Variants in SRPK2 observed in about 807,000 individuals in gnomAD.
SRPK2 encodes the protein SRSF protein kinase 2, also known as SFRS protein kinase 2.
In SRPK2, 21 loss-of-function variants were observed where a neutral mutation model predicts 90.8. The ratio of observed to expected loss-of-function variants is 0.23; its 90% CI spans 0.16 to 0.33. The LOEUF is 0.33. Among genes scored for constraint, SRPK2 ranks in the 10% least tolerant of loss-of-function variants. SRPK2 has a pLI of 1.00. For synonymous variants in SRPK2, 288 were observed against 311.1 expected (o/e 0.93, Z 0.78); for missense variants, 620 against 869.0 (o/e 0.71, Z 3.60).
intron 1 of SRPK2, among the ~76,000 whole-genome samples, chr7:105,396,794 GAGAAAGAGAAAGAA>G (rs1391474247): frequency 9.0e-6 from 1 of 111,188 alleles, no homozygotes; most frequent in African/African-American, 3.0e-5. Context: ...AAGAAAGAAA[GAGAAAGAGAAAGAA>G]AGAAAGAGAG....
At chr7:105,135,889 C>G (rs1422486699) in intron 11 of SRPK2, among the ~76,000 whole-genome samples, 1 of 151,916 alleles carries the variant, frequency 6.6e-6, no homozygotes. Flanking sequence ...CTCAGCCTCC[C>G]GAGTAGCTGG....
intron 2 of SRPK2, among the ~76,000 whole-genome samples, chr7:105,246,887 A>G (rs1801740467): frequency 6.6e-6 from 1 of 152,332 alleles, no homozygotes; most frequent in East Asian, 1.9e-4. Flanking sequence ...ACATTTCCCA[A>G]TAAAGGAAGC....
chr7:105,165,927 C>G (rs1208195602), intron 6 of SRPK2, among the ~76,000 whole-genome samples: 1 of 152,104 alleles, frequency 6.6e-6, no homozygotes, highest in Admixed American at 6.5e-5. Flanking sequence ...AGCGAGACCA[C>G]GAACCCACCG....
chr7:105,364,722 G>A (rs544550110), intron 2 of SRPK2, among the ~76,000 whole-genome samples: 1 of 151,984 alleles, frequency 6.6e-6, no homozygotes, highest in Non-Finnish European at 1.5e-5. Context: ...GGTCCTTAAG[G>A]CTCCCTGATG....
chr7:105,143,405 G>T, intron 9 of SRPK2, 75 bp from the exon 10 acceptor site: 1 of 1,520,114 alleles, frequency 6.6e-7, no homozygotes, highest in South Asian at 1.2e-5. Context: ...TAGCAGCATG[G>T]CAAATAGCAA....
chr7:105,386,575 G>C (rs930355882), intron 2 of SRPK2, among the ~76,000 whole-genome samples: 3 of 151,766 alleles, frequency 2.0e-5, no homozygotes, highest in African/African-American at 7.3e-5. Context: ...AAAATAGCTA[G>C]GCTTGGTGGC....
At chr7:105,137,707 A>G (rs1356155137) in intron 11 of SRPK2, among the ~76,000 whole-genome samples, 1 of 152,164 alleles carries the variant, frequency 6.6e-6, no homozygotes, top group African/African-American at 2.4e-5. Context: ...AAATTACTCT[A>G]GGAAAAAAGT....
rs180982566 is a variant in SRPK2, at chr7:105,303,464, A to T, written c.71+85184T>A. Among the ~76,000 whole-genome samples, 1,040 of 145,764 alleles carry T rather than the reference A, an allele frequency of 7.1e-3. 8 individuals carry two copies. The highest frequency in any genetic ancestry group is 0.04 in the South Asian group (187 of 4,712). On this transcript the variant is annotated intron_variant, in intron 2 of 15. Transcript: ENST00000393651. ...GTACCCTAGAACTTAAAGTATAATT[A>T]AAAAAAAAATGACCTGAGTAAAAAG...
chr7:105,325,809 G>A (rs942800311), intron 2 of SRPK2, among the ~76,000 whole-genome samples: 12 of 152,150 alleles, frequency 7.9e-5, no homozygotes, highest in Non-Finnish European at 1.3e-4. Flanking sequence ...AGCCTAGATC[G>A]CACAACTGCA....
rs144483878 is a variant in SRPK2, at chr7:105,143,203, T to C, written c.941A>G (p.Glu314Gly). ...LEREAERKII[E>G]ENITSAAPSN... ...AGGTGCAGCTGAGGTGATGTTTTCT[T>C]CTATTATTTTCCTTTCAGCTTCTCG... Residue 314 changes from glutamate to glycine, a missense_variant, in exon 10 of 16, where the codon GAA (glutamate) becomes GGA (glycine). Physicochemically the swap from Glu to Gly is moderately conservative, Grantham distance 98. Around this residue, in one of 8 missense-constraint regions of SRPK2, gnomAD observed 243 missense variants for 245.7 expected, o/e 0.99. Transcript: ENST00000393651. 1.2e-6 allele frequency: 2 copies of C among 1,614,236 alleles called. No individual in the cohort carries two copies. The highest frequency in any genetic ancestry group is 2.2e-5 in the East Asian group (1 of 44,884).
chr7:105,262,164 T>C (rs144291450), intron 2 of SRPK2, among the ~76,000 whole-genome samples: 90 of 152,304 alleles, frequency 5.9e-4, no homozygotes, highest in African/African-American at 1.9e-3. Flanking sequence ...AGAATCAAAA[T>C]TGATTACAAA....
At position 105,240,321 on chromosome 7, in the gene SRPK2, T is replaced by C. The variant is rs984650461; in HGVS notation, c.72-36536A>G. On this transcript the variant is annotated intron_variant, in intron 2 of 15. Transcript: ENST00000393651. ...AGCCTCACCTCCTAATACCATCACATTGGGGGTTAGGAATTCAATATATGA... is the reference window on the plus strand; with the variant it reads ...AGCCTCACCTCCTAATACCATCACACTGGGGGTTAGGAATTCAATATATGA... Among the ~76,000 whole-genome samples, 41 of 152,122 alleles carry C rather than the reference T, an allele frequency of 2.7e-4. 1 individual carries two copies. Among genetic ancestry groups the C allele is most frequent in the Admixed American group, 9.2e-4 (14 of 15,274 alleles).
chr7:105,396,792 A>AAG (rs1210884376), intron 1 of SRPK2, among the ~76,000 whole-genome samples: 1 of 120,286 alleles, frequency 8.3e-6, no homozygotes, highest in African/African-American at 3.0e-5. Flanking sequence ...GAAAGAAAGA[A>AAG]AGAGAAAGAG....
chr7:105,152,991 G>GCCACTGCACTC (rs1805943198), intron 7 of SRPK2, among the ~76,000 whole-genome samples: 1 of 152,112 alleles, frequency 6.6e-6, no homozygotes, highest in African/African-American at 2.4e-5. Context: ...CCGAGATCGC[G>GCCACTGCACTC]CCACTGCACT....
At chr7:105,342,883 A>C (rs1357414457) in intron 2 of SRPK2, among the ~76,000 whole-genome samples, 2 of 152,222 alleles carry the variant, frequency 1.3e-5, no homozygotes, top group East Asian at 3.8e-4. Flanking sequence ...GGAAAAGGTG[A>C]AACAGAGCCA....
intron 6 of SRPK2, among the ~76,000 whole-genome samples, chr7:105,160,832 T>C (rs1236205189): frequency 2.0e-5 from 3 of 152,080 alleles, no homozygotes; most frequent in African/African-American, 7.2e-5. Flanking sequence ...AGGAGATTGG[T>C]TCCAGGACCG....
intron 2 of SRPK2, chr7:105,244,801 C>T (rs1178044102): frequency 2.1e-6 from 2 of 963,564 alleles, no homozygotes; most frequent in African/African-American, 1.6e-5. Context: ...CATGTGGCTT[C>T]GCCCCGTACA....
At chr7:105,208,797 A>G (rs890972547) in intron 2 of SRPK2, among the ~76,000 whole-genome samples, 1 of 152,190 alleles carries the variant, frequency 6.6e-6, no homozygotes, top group East Asian at 1.9e-4. Flanking sequence ...ACTGTATGCT[A>G]TGTGAATTAT....
chr7:105,232,722 A>ATT (rs1799599244), intron 2 of SRPK2, among the ~76,000 whole-genome samples: 3 of 145,506 alleles, frequency 2.1e-5, no homozygotes, highest in Non-Finnish European at 4.6e-5. Context: ...AATAATAAAA[A>ATT]AAAAAAAGAT....
Sources: gnomAD v4.1 joint callset for allele counts (sites outside exome capture counted in the v4.1 genomes callset) on GRCh38, gnomAD v4.1.1 for gene constraint, gnomAD v4.1.1 regional missense constraint, MANE v1.5 for transcripts, NCBI Gene and HGNC (gene_info 2026-07-23, HGNC 2026-07-21) for gene names.